SRFBP1: variants seen among roughly 807,000 people sequenced by gnomAD.
The protein encoded by SRFBP1 is serum response factor-binding protein 1.
Under a neutral mutation model 45.5 loss-of-function variants are expected in SRFBP1, and 47 were observed. The observed-to-expected ratio is 1.03, with a 90% CI of 0.82 to 1.32. SRFBP1 has a LOEUF of 1.32. Ranked by LOEUF, SRFBP1 falls within the 40% of genes most tolerant of loss-of-function variation. SRFBP1 has a pLI of 0.00. For synonymous variants in SRFBP1, 203 were observed against 166.3 expected (o/e 1.22, Z -1.70); for missense variants, 621 against 484.6 (o/e 1.28, Z -2.64).
intron 3 of SRFBP1, among the ~76,000 whole-genome samples, chr5:121,983,946 A>G (rs911072767): frequency 6.6e-6 from 1 of 151,690 alleles, no homozygotes; most frequent in African/African-American, 2.4e-5. Flanking sequence ...TATTAAAAGC[A>G]TTTTCATCAG....
At chr5:122,075,363 G>T (rs746591395) in exon 3 of SRFBP1, 1 of 1,534,470 alleles carries the variant, frequency 6.5e-7, no homozygotes, top group South Asian at 1.3e-5. Context: ...CCTGAGAAAT[G>T]AAAAGCAACC....
At chr5:122,023,672 A>T (rs17148700) in intron 7 of SRFBP1, among the ~76,000 whole-genome samples, 188 of 152,288 alleles carry the variant, frequency 1.2e-3, no homozygotes, top group African/African-American at 4.1e-3. Flanking sequence ...GTGGGTATTT[A>T]ACATGATCTC....
At chr5:122,072,425 T>G (rs949470199) in intron 2 of SRFBP1, among the ~76,000 whole-genome samples, 1 of 152,244 alleles carries the variant, frequency 6.6e-6, no homozygotes. Context: ...TACTATTTGT[T>G]ACATTAAATT....
chr5:121,963,338 A>G (rs867390615), intron 1 of SRFBP1, among the ~76,000 whole-genome samples: 65 of 152,318 alleles, frequency 4.3e-4, no homozygotes, highest in African/African-American at 1.5e-3. Flanking sequence ...CTATTTACTC[A>G]TAAACATACA....
chr5:121,982,200 T>C (rs1752423603), intron 3 of SRFBP1, among the ~76,000 whole-genome samples: 1 of 151,970 alleles, frequency 6.6e-6, no homozygotes, highest in Non-Finnish European at 1.5e-5. Flanking sequence ...GTAGAACTTT[T>C]GTTTCTAAAA....
chr5:122,038,927 T>G (rs928715920), intron 2 of SRFBP1, among the ~76,000 whole-genome samples: 12 of 151,942 alleles, frequency 7.9e-5, no homozygotes, highest in African/African-American at 2.7e-4. Context: ...CCAAGGAGGG[T>G]ACACTCTCCA....
In SRFBP1 at chr5:122,019,269, A is replaced by G. The variant is rs1753246210; in HGVS notation, c.280A>G (p.Thr94Ala). The change falls in exon 5 of 8, where the codon ACT (threonine) becomes GCT (alanine). Residue 94 changes from threonine to alanine, a missense_variant. By Grantham distance (58) the Thr-to-Ala change is moderately conservative. Transcript: ENST00000339397. Reference protein sequence around the residue: ...FEKIFKKPDSTATERAIARLA... With the variant: ...FEKIFKKPDSAATERAIARLA... The stretch of plus-strand genomic sequence containing the variant: ...ATTTTTAAATTTGCAGCCAGATTCT[A>G]CTGCAACTGAAAGAGCAATTGCCAG... The G allele has an allele frequency of 8.1e-6, 13 of 1,612,052 alleles. No homozygotes were observed. In the East Asian group the frequency reaches 2.7e-4, roughly 33 times the overall value.
At chr5:122,011,410 A>G (rs967625182) in intron 4 of SRFBP1, among the ~76,000 whole-genome samples, 1 of 152,150 alleles carries the variant, frequency 6.6e-6, no homozygotes, top group Non-Finnish European at 1.5e-5. Context: ...TTAAATAAGG[A>G]AAGCTGTGGT....
At chr5:121,962,875 TTTAGA>T (rs1751979235) in intron 1 of SRFBP1, among the ~76,000 whole-genome samples, 2 of 152,218 alleles carry the variant, frequency 1.3e-5, no homozygotes, top group African/African-American at 4.8e-5. Flanking sequence ...CAAGTCACTG[TTTAGA>T]TTACACACAG....
intron 4 of SRFBP1, among the ~76,000 whole-genome samples, chr5:122,014,477 T>G (rs1309147556): frequency 6.6e-6 from 1 of 152,170 alleles, no homozygotes; most frequent in East Asian, 1.9e-4. Context: ...TCAGTCTCAT[T>G]TTATATAAAC....
intron 2 of SRFBP1, among the ~76,000 whole-genome samples, chr5:122,046,061 T>C (rs1020003895): frequency 6.6e-6 from 1 of 152,160 alleles, no homozygotes; most frequent in Non-Finnish European, 1.5e-5. Flanking sequence ...ATTTTTTTAA[T>C]TATACTTTAA....
At chr5:121,985,560 C>A (rs1279202123) in intron 3 of SRFBP1, among the ~76,000 whole-genome samples, 1 of 151,768 alleles carries the variant, frequency 6.6e-6, no homozygotes, top group African/African-American at 2.4e-5. Context: ...AATACACTCT[C>A]TGCCATTGTT....
downstream of SRFBP1, chr5:122,077,823 A>G (rs749678357): frequency 3.9e-6 from 6 of 1,551,704 alleles, no homozygotes; most frequent in African/African-American, 2.8e-5. The surrounding 1 kb of genome is among the most constrained non-coding windows in gnomAD (Gnocchi z 4.9). Flanking sequence ...AGCAAGCTGA[A>G]CACCTGCCCG....
chr5:122,043,453 T>C (rs2112733044), intron 2 of SRFBP1, among the ~76,000 whole-genome samples: 1 of 152,250 alleles, frequency 6.6e-6, no homozygotes, highest in South Asian at 2.1e-4. Flanking sequence ...TCACCTCAAG[T>C]GATCCGCCCA....
intron 2 of SRFBP1, among the ~76,000 whole-genome samples, chr5:122,057,582 C>T (rs559675849): frequency 4.0e-5 from 6 of 151,572 alleles, no homozygotes; most frequent in Non-Finnish European, 7.4e-5. Flanking sequence ...CCTCCTCAGT[C>T]TCCCAAAGTG....
intron 2 of SRFBP1, among the ~76,000 whole-genome samples, chr5:122,041,512 A>G (rs536139906): frequency 5.9e-5 from 9 of 151,476 alleles, no homozygotes; most frequent in Non-Finnish European, 4.4e-5. Context: ...CTTGCAAAGA[A>G]TTTTCATTTT....
At chr5:122,058,880 C>T (rs956445199) in intron 2 of SRFBP1, among the ~76,000 whole-genome samples, 3 of 152,052 alleles carry the variant, frequency 2.0e-5, no homozygotes, top group South Asian at 4.1e-4. Context: ...TTTATGCCAA[C>T]CAACTAAAAT....
At chr5:122,017,609 C>A (rs1185291444) in intron 4 of SRFBP1, among the ~76,000 whole-genome samples, 1 of 152,158 alleles carries the variant, frequency 6.6e-6, no homozygotes, top group East Asian at 1.9e-4. Flanking sequence ...ACCTAGTACA[C>A]AAGGTAATTA....
chr5:121,979,508 C>T lies in SRFBP1; in HGVS notation c.198+4121C>T, dbSNP rs548926561. 3.3e-5 allele frequency among the ~76,000 whole-genome samples: 5 copies of T among 152,168 alleles called. No individual in the cohort carries two copies. In the East Asian group the frequency reaches 9.7e-4, roughly 29 times the overall value. ...CAACTTAACATTTTGTTCATTTATT[C>T]TATGAAAGTAATTGTATTAAAAGTA... On this transcript the variant is annotated intron_variant, in intron 3 of 7. Transcript: ENST00000339397.
Sources: gnomAD v4.1 joint callset for allele counts (sites outside exome capture counted in the v4.1 genomes callset) on GRCh38, gnomAD v4.1.1 for gene constraint, Gnocchi (gnomAD v3.1) non-coding constraint, MANE v1.5 for transcripts, NCBI Gene and HGNC (gene_info 2026-07-23, HGNC 2026-07-21) for gene names.